SYAP1: variants seen among roughly 807,000 people sequenced by gnomAD.
SYAP1 encodes synapse-associated protein 1.
SYAP1 carries 3 observed loss-of-function variants against 29.6 expected under a neutral mutation model. The ratio of observed to expected loss-of-function variants is 0.10; its 90% CI spans 0.05 to 0.26. SYAP1 has a LOEUF of 0.26. Ranked by LOEUF, SYAP1 falls within the 10% of genes least tolerant of loss-of-function variation. SYAP1 has a pLI of 1.00. For missense variants in SYAP1, 217 were observed against 264.1 expected (o/e 0.82, Z 1.24); for synonymous variants, 102 against 102.7 (o/e 0.99, Z 0.04).
intron 5 of SYAP1, 88 bp downstream of exon 5, chrX:16,743,928 T>A (rs1467870937): frequency 9.7e-7 from 1 of 1,033,465 alleles, no homozygotes; most frequent in African/African-American, 1.9e-5. Flanking sequence ...CAAAAGGGTC[T>A]CTATCTGTTC....
chrX:16,731,480 T>C (rs944730715), intron 1 of SYAP1, among the ~76,000 whole-genome samples: 7 of 111,935 alleles, frequency 6.3e-5, no homozygotes, highest in African/African-American at 2.3e-4. Context: ...AGTTTATAGT[T>C]TAGCTTTGAA....
In SYAP1 at chrX:16,756,892, CAT is replaced by C. The variant is rs761835453; in HGVS notation, c.783+174_783+175del. On this transcript the variant is annotated intron_variant, in intron 7 of 8. Coordinates refer to ENST00000380155, the MANE Select transcript of SYAP1 (RefSeq NM_032796.4). ...CTGAGACTTGAGGACGATTTACTGGCATATGTAATTCTAGATGTGTTCATCAG... is the reference window on the plus strand; with the variant it reads ...CTGAGACTTGAGGACGATTTACTGGCATGTAATTCTAGATGTGTTCATCAG... Among the ~76,000 whole-genome samples the C allele has an allele frequency of 4.2e-3, 475 of 111,987 alleles. 4 individuals carry two copies. The highest frequency in any genetic ancestry group is 4.4e-3 in the Non-Finnish European group (232 of 53,259).
chrX:16,763,320 A>T lies in SYAP1; in HGVS notation c.*2961A>T, dbSNP rs766296521. 53 of 102,255 alleles carry T rather than the reference A, an allele frequency of 5.2e-4. No homozygotes were observed. Among genetic ancestry groups the T allele is most frequent in the African/African-American group, 1.7e-3 (48 of 27,920 alleles). The allele number at this position is 102,255 out of a possible 1,213,427, so 8.4% of individuals were successfully genotyped here. On this transcript the variant is annotated 3_prime_UTR_variant, in exon 9 of 9. Transcript: ENST00000380155. ...GGGGCAAGTTTTTAGGGGGATGAGA[A>T]ATATTCTTGGTAAATCGGGCATTTC...
chrX:16,728,899 C>G (rs756645785), intron 1 of SYAP1, among the ~76,000 whole-genome samples: 1 of 107,730 alleles, frequency 9.3e-6, no homozygotes, highest in South Asian at 4.2e-4. Context: ...TTTAGCCAGG[C>G]ATGGTGGTGC....
At chrX:16,736,969 A>C (rs1926343895) in intron 3 of SYAP1, among the ~76,000 whole-genome samples, 2 of 111,884 alleles carry the variant, frequency 1.8e-5, no homozygotes, top group African/African-American at 6.5e-5. Flanking sequence ...GGCCGTAAAG[A>C]GTCTCGGGTG....
chrX:16,737,943 A>G (rs759953451), intron 3 of SYAP1, among the ~76,000 whole-genome samples: 2 of 111,665 alleles, frequency 1.8e-5, no homozygotes, highest in East Asian at 2.8e-4. Flanking sequence ...GATATAGATT[A>G]TTATCAAGTC....
chrX:16,743,656 C>T (rs780381433), intron 4 of SYAP1, 45 bp from the exon 5 acceptor site: 18 of 1,158,804 alleles, frequency 1.6e-5, no homozygotes, highest in South Asian at 7.6e-5. Flanking sequence ...ATCTATTAAT[C>T]GCATTTTGTG....
At chrX:16,738,297 C>T (rs1926372618) in intron 3 of SYAP1, among the ~76,000 whole-genome samples, 1 of 111,626 alleles carries the variant, frequency 9.0e-6, no homozygotes, top group Non-Finnish European at 1.9e-5. Flanking sequence ...CACCTGTAAT[C>T]CCAGCTGTCT....
chrX:16,754,310 G>A (rs1485336113), intron 5 of SYAP1, among the ~76,000 whole-genome samples: 1 of 111,361 alleles, frequency 9.0e-6, no homozygotes, highest in African/African-American at 3.3e-5. Context: ...TTCTTCTACC[G>A]AGAGCAGTAT....
In SYAP1 at chrX:16,743,788, C is replaced by G. The variant is rs1443658655; in HGVS notation, c.523C>G (p.Leu175Val). Residue 175 changes from leucine (L) to valine (V), a missense_variant, in exon 5 of 9, where the codon CTC (leucine) becomes GTC (valine). Transcript: ENST00000380155. ...DQMYPVALVM[L>V]QEDELLSKMR... ...GATGTACCCCGTGGCCCTGGTCATGCTCCAGGAGGATGAGCTGCTAAGCAA... is the reference window on the plus strand; with the variant it reads ...GATGTACCCCGTGGCCCTGGTCATGGTCCAGGAGGATGAGCTGCTAAGCAA... The G allele has an allele frequency of 1.7e-6, 2 of 1,208,474 alleles. No individual in the cohort carries two copies. The highest frequency in any genetic ancestry group is 2.2e-6 in the Non-Finnish European group (2 of 894,396).
chrX:16,736,021 C>T, intron 2 of SYAP1, 145 bp from the exon 3 acceptor site: 1 of 452,799 alleles, frequency 2.2e-6, no homozygotes, highest in Non-Finnish European at 3.9e-6. Flanking sequence ...AGGAACAACC[C>T]TTTTAAGACT....
At chrX:16,742,930 T>G (rs989842960) in intron 4 of SYAP1, among the ~76,000 whole-genome samples, 1 of 104,143 alleles carries the variant, frequency 9.6e-6, no homozygotes, top group Non-Finnish European at 2.0e-5. Context: ...ATTTTTTTTT[T>G]TTTTTTTTTT....
At position 16,754,812 on chromosome X, in the gene SYAP1, A is replaced by G. The variant is rs1303397949; in HGVS notation, c.576-133A>G. 1.4e-5 allele frequency: 8 copies of G among 590,897 alleles called. 1 individual carries two copies. Among genetic ancestry groups the G allele is most frequent in the South Asian group, 1.1e-4 (4 of 36,743 alleles). 48.7% of individuals were successfully genotyped at this position (590,897 alleles called of 1,213,427 possible). ...AGTGCTCTTGCAAATCATCTACTCC[A>G]GTCCCCTTTACAACAAATAACCCCT... On this transcript the variant is annotated intron_variant, in intron 5 of 8. Coordinates refer to ENST00000380155, the MANE Select transcript of SYAP1 (RefSeq NM_032796.4).
chrX:16,730,295 A>G (rs1926178482), intron 1 of SYAP1, among the ~76,000 whole-genome samples: 1 of 112,805 alleles, frequency 8.9e-6, no homozygotes, highest in African/African-American at 3.2e-5. Context: ...TGGAGGTTGC[A>G]GTGAGCCAAG....
intron 1 of SYAP1, among the ~76,000 whole-genome samples, chrX:16,720,470 T>C (rs1925934936): frequency 8.9e-6 from 1 of 112,008 alleles, no homozygotes; most frequent in Non-Finnish European, 1.9e-5. Context: ...ATGAAAGATA[T>C]CCCATTTCAT....
chrX:16,742,920 ATTTTTTTTTTTTT>A (rs761130108), intron 4 of SYAP1, among the ~76,000 whole-genome samples: 4 of 62,992 alleles, frequency 6.4e-5, no homozygotes, highest in African/African-American at 2.5e-4. Flanking sequence ...GTCCGCTTCT[ATTTTTTTTTTTTT>A]TTTTTTTTTT....
chrX:16,757,025 G>A, intron 7 of SYAP1, 137 bp from the exon 8 acceptor site: 2 of 778,628 alleles, frequency 2.6e-6, no homozygotes, highest in East Asian at 3.2e-5. Context: ...AGGTTGGAGA[G>A]CAGTGCTCAT....
Position 16,762,107 on chromosome X carries a change from A to T in SYAP1, c.*1748A>T, listed in dbSNP as rs1926997689. The T allele has an allele frequency of 8.9e-6, 1 of 112,244 alleles. No homozygotes were observed. The highest frequency in any genetic ancestry group is 1.9e-5 in the Non-Finnish European group (1 of 53,302). The allele number at this position is 112,244 out of a possible 1,213,427, so 9.3% of individuals were successfully genotyped here. A position where few individuals can be genotyped will look rare whatever the true frequency, so the allele number is the denominator to read the frequency against. ...AGTTTGGGTTCCAAGATGACTGGCA[A>T]CTTCTGAAATAATCTCATTGAAGGA... On this transcript the variant is annotated 3_prime_UTR_variant, in exon 9 of 9. Coordinates refer to ENST00000380155, the MANE Select transcript of SYAP1 (RefSeq NM_032796.4).
In SYAP1 at chrX:16,735,355, A is replaced by G. The variant is rs751994073; in HGVS notation, c.294+10A>G. 12 of 1,038,369 alleles carry G rather than the reference A, an allele frequency of 1.2e-5. No individual in the cohort carries two copies. The highest frequency in any genetic ancestry group is 2.8e-5 in the Admixed American group (1 of 36,083). 85.6% of individuals were successfully genotyped at this position (1,038,369 alleles called of 1,213,427 possible). A position where few individuals can be genotyped will look rare whatever the true frequency, so the allele number is the denominator to read the frequency against. On this transcript the variant is annotated intron_variant, in intron 2 of 8. Coordinates refer to ENST00000380155, the MANE Select transcript of SYAP1 (RefSeq NM_032796.4). ...TGGCATCATTGACAAGGTATATTCA[A>G]TTATCTTTTGGAAGTAGAAATGTAT... is the stretch of plus-strand genomic sequence containing the variant.
Sources: gnomAD v4.1 joint callset for allele counts (sites outside exome capture counted in the v4.1 genomes callset) on GRCh38, gnomAD v4.1.1 for gene constraint, MANE v1.5 for transcripts, NCBI Gene and HGNC (gene_info 2026-07-23, HGNC 2026-07-21) for gene names.